Variants in TPRX1 observed in about 807,000 individuals in gnomAD.
TPRX1 encodes the protein tetra-peptide repeat homeobox protein 1.
In TPRX1, 2 loss-of-function variants were observed where a neutral mutation model predicts 8.1. That is an observed-to-expected ratio of 0.25 (90% CI 0.10 to 0.78). The LOEUF (loss-of-function observed/expected upper bound fraction) is 0.78. Among genes scored for constraint, TPRX1 ranks in the 30% least tolerant of loss-of-function variants. The pLI is 0.70. For missense variants in TPRX1, 517 were observed against 586.9 expected, an observed-to-expected ratio of 0.88 and a Z score of 1.23; for synonymous variants, 257 against 254.1, an observed-to-expected ratio of 1.01 and a Z score of -0.11.
rs199789805 is a variant in TPRX1, at chr19:47,802,310, G to A, written c.992C>T (p.Pro331Leu). ...TGGGCCTGGGATCGGGCCTGGGTTCGGGCCTGAGATTGGGCCTGGGATTGG... is the reference window on the plus strand; with the variant it reads ...TGGGCCTGGGATCGGGCCTGGGTTCAGGCCTGAGATTGGGCCTGGGATTGG... Residue 331 changes from proline to leucine, a missense_variant, in exon 4 of 4, where the codon CCG becomes CTG. By Grantham distance (98) the Pro-to-Leu change is moderately conservative. This residue lies in a region of TPRX1 where 506 missense variants were observed against 515.5 expected (regional missense o/e 0.98). Transcript: ENST00000535759. 9.3e-4 allele frequency: 1,405 copies of A among 1,504,978 alleles called. 10 individuals are homozygous for A. The highest frequency in any genetic ancestry group is 1.1e-3 in the Non-Finnish European group (1,209 of 1,115,514). 93.2% of individuals were successfully genotyped at this position (1,504,978 alleles called of 1,614,324 possible).
chr19:47,816,253 AG>A (rs1967839229), intron 2 of TPRX1, among the ~76,000 whole-genome samples: 1 of 151,992 alleles, frequency 6.6e-6, no homozygotes, highest in South Asian at 2.1e-4. Context: ...TTTTTAGTAG[AG>A]ACGGGGTTTT....
chr19:47,801,750 GA>G, exon 4 of TPRX1: 1 of 1,566,022 alleles, frequency 6.4e-7, no homozygotes. Flanking sequence ...TCTGGGATCT[GA>G]AGAACTTTGC....
At chr19:47,804,702 CCTT>C (rs1967719072) in intron 2 of TPRX1, among the ~76,000 whole-genome samples, 151 bp from the exon 1 acceptor site, 1 of 142,718 alleles carries the variant, frequency 7.0e-6, no homozygotes, top group Non-Finnish European at 1.5e-5. Context: ...ATGGATTAAT[CCTT>C]CATCACTGAT....
At position 47,818,663 on chromosome 19, in the gene TPRX1, G is replaced by A. The variant is rs1014281750; in HGVS notation, c.81-125C>T. The A allele has an allele frequency of 2.8e-4, 113 of 403,334 alleles. No homozygotes were observed. The Admixed American group carries it at 3.1e-3, about 11-fold the overall frequency. 25.0% of individuals were successfully genotyped at this position (403,334 alleles called of 1,614,324 possible). A position where few individuals can be genotyped will look rare whatever the true frequency, so the allele number is the denominator to read the frequency against. ...GCACCCCCATCCTGCAGTAGAGCCT[G>A]GAGTGAAACTCATCAACAACCTGAT... On this transcript the variant is annotated intron_variant, in intron 1 of 3. Transcript: ENST00000535759.
chr19:47,802,779 C>T, exon 4 of TPRX1: 1 of 1,605,596 alleles, frequency 6.2e-7, no homozygotes, highest in Non-Finnish European at 8.5e-7. Context: ...CCAGGGCCAC[C>T]CCAGGCCTGG....
At chr19:47,818,420 GTCCA>G (rs745798242) in intron 2 of TPRX1, 5 of 387,952 alleles carry the variant, frequency 1.3e-5, no homozygotes, top group Non-Finnish European at 2.6e-5. Context: ...CCATCCCTCC[GTCCA>G]TCCATCCATC....
At chr19:47,802,227 G>A (rs757971825) in exon 4 of TPRX1, 11 of 1,609,830 alleles carry the variant, frequency 6.8e-6, no homozygotes, top group Admixed American at 1.7e-5. Flanking sequence ...ATTGGGCCTG[G>A]GCCTGAGATT....
chr19:47,801,692 A>C, exon 4 of TPRX1: 18 of 1,487,394 alleles, frequency 1.2e-5, no homozygotes, highest in Non-Finnish European at 1.5e-5. Flanking sequence ...AGGGTGATGC[A>C]TTCACTGCAG....
At position 47,818,246 on chromosome 19, in the gene TPRX1, C is replaced by CCCATCCAT. The variant is rs756906028; in HGVS notation, c.151+214_151+221dup. Among the ~76,000 whole-genome samples the CCCATCCAT allele has an allele frequency of 1.5e-4, 19 of 129,846 alleles. 2 individuals carry two copies. Among genetic ancestry groups the CCCATCCAT allele is most frequent in the African/African-American group, 6.1e-4 (18 of 29,368 alleles). The allele number at this position is 129,846 out of a possible 152,430, so 85.2% of individuals were successfully genotyped here. On this transcript the variant is annotated intron_variant, in intron 2 of 3. Transcript: ENST00000535759. ...CATCCATCCATCCACCCATCCATCACCCATCCATCCATCCATCCATCCATC... is the reference window on the plus strand; with the variant it reads ...CATCCATCCATCCACCCATCCATCACCCATCCATCCATCCATCCATCCATCCATCCATC...
chr19:47,816,529 A>ATTT (rs35029272), intron 2 of TPRX1, among the ~76,000 whole-genome samples: 22 of 114,662 alleles, frequency 1.9e-4, no homozygotes, highest in Non-Finnish European at 2.5e-4. Flanking sequence ...ACCCCTGGGA[A>ATTT]TTTTTTTTTT....
At chr19:47,804,404 G>A (rs1967714658) in intron 2 of TPRX1, among the ~76,000 whole-genome samples, 111 bp downstream of exon 1, 1 of 152,098 alleles carries the variant, frequency 6.6e-6, no homozygotes, top group Non-Finnish European at 1.5e-5. Flanking sequence ...CCGTCTGCAG[G>A]ACAGGAAGCC....
chr19:47,817,822 TG>T (rs1967857834), intron 2 of TPRX1, among the ~76,000 whole-genome samples: 1 of 152,232 alleles, frequency 6.6e-6, no homozygotes, highest in Non-Finnish European at 1.5e-5. Context: ...CAAACTCATG[TG>T]GCTCCATGCC....
chr19:47,816,642 C>T (rs1254667622), intron 2 of TPRX1, among the ~76,000 whole-genome samples: 1 of 151,186 alleles, frequency 6.6e-6, no homozygotes, highest in Non-Finnish European at 1.5e-5. Flanking sequence ...ATGCCATTCT[C>T]CTACCTCAGC....
intron 2 of TPRX1, among the ~76,000 whole-genome samples, chr19:47,805,963 G>A (rs1967731635): frequency 1.3e-5 from 2 of 152,202 alleles, no homozygotes; most frequent in Middle Eastern, 3.2e-3. Flanking sequence ...GGTGGCTCAC[G>A]CCTGTAATCC....
chr19:47,818,844 T>C (rs1212255616), intron 1 of TPRX1: 2 of 298,428 alleles, frequency 6.7e-6, no homozygotes, highest in African/African-American at 4.3e-5. Flanking sequence ...GCTGCACCCA[T>C]TAACTCATCA....
chr19:47,809,102 A>C (rs1051159612), intron 2 of TPRX1, among the ~76,000 whole-genome samples: 2 of 152,010 alleles, frequency 1.3e-5, no homozygotes, highest in Non-Finnish European at 2.9e-5. Context: ...CCAAATCCCC[A>C]TGTCTGTAAT....
At chr19:47,802,887 G>T in exon 4 of TPRX1, 1 of 1,580,426 alleles carries the variant, frequency 6.3e-7, no homozygotes, top group Non-Finnish European at 8.6e-7. Context: ...GGCGCAGCGC[G>T]GGCTCCTCGG....
At chr19:47,802,099 C>T (rs775098024) in exon 4 of TPRX1, 11 of 1,587,166 alleles carry the variant, frequency 6.9e-6, no homozygotes, top group East Asian at 2.2e-5. Flanking sequence ...GGCCTAAAAT[C>T]GGGGCTAGGC....
At chr19:47,815,157 TATATA>T (rs1967826836) in intron 2 of TPRX1, among the ~76,000 whole-genome samples, 8 of 89,196 alleles carry the variant, frequency 9.0e-5, no homozygotes, top group African/African-American at 3.9e-4. Flanking sequence ...AATATATATA[TATATA>T]TTTTTTTTTT....
Sources: gnomAD v4.1 joint callset for allele counts (sites outside exome capture counted in the v4.1 genomes callset) on GRCh38, gnomAD v4.1.1 for gene constraint, gnomAD v4.1.1 regional missense constraint, MANE v1.5 for transcripts, NCBI Gene and HGNC (gene_info 2026-07-23, HGNC 2026-07-21) for gene names.